The following DYSF variants were observed in gnomAD, a reference collection of about 807,000 sequenced individuals.
DYSF encodes the protein dystrophy-associated fer-1-like 1.
A neutral mutation model predicts 274.9 loss-of-function variants in DYSF; 212 were observed. The observed-to-expected ratio is 0.77, with a 90% CI of 0.69 to 0.86. DYSF has a LOEUF of 0.86. DYSF is among the 40% of genes least tolerant of loss of function. DYSF has a pLI of 0.00. For missense variants in DYSF, 2,666 were observed against 2,783.2 expected (o/e 0.96, Z 0.95); for synonymous variants, 1,091 against 1,078.7 (o/e 1.01, Z -0.22).
At chr2:71,682,707 G>A (rs2095310987) in intron 55 of DYSF, 30 bp downstream of exon 55, 2 of 1,605,474 alleles carry the variant, frequency 1.2e-6, no homozygotes, top group Non-Finnish European at 1.7e-6. Flanking sequence ...CTGTGGTGGG[G>A]GAACTCTGGG....
intron 3 of DYSF, among the ~76,000 whole-genome samples, chr2:71,494,836 A>T (rs1170068602): frequency 6.6e-6 from 1 of 152,232 alleles, no homozygotes; most frequent in Non-Finnish European, 1.5e-5. Context: ...ATTCATTAGA[A>T]AGTCCTTCCT....
At chr2:71,468,911 G>A (rs1013741543) in intron 1 of DYSF, among the ~76,000 whole-genome samples, 3 of 152,294 alleles carry the variant, frequency 2.0e-5, no homozygotes, top group East Asian at 1.9e-4. Flanking sequence ...GTGTTTGTGC[G>A]CTTTCTGGCC....
At chr2:71,641,029 C>T (rs72829451) in intron 41 of DYSF, among the ~76,000 whole-genome samples, 15,274 of 152,116 alleles carry the variant, frequency 0.1, 820 homozygotes, top group South Asian at 0.16. Context: ...TCATTCACTT[C>T]ATCTACATTT....
intron 1 of DYSF, among the ~76,000 whole-genome samples, chr2:71,468,910 C>T (rs75463085): frequency 0.18 from 26,741 of 152,184 alleles, 2,619 homozygotes; most frequent in East Asian, 0.45. Context: ...AGTGTTTGTG[C>T]GCTTTCTGGC....
chr2:71,606,605 G>A (rs2093652591), intron 36 of DYSF, among the ~76,000 whole-genome samples: 1 of 152,194 alleles, frequency 6.6e-6, no homozygotes, highest in African/African-American at 2.4e-5. Context: ...AGAGCTGGCA[G>A]AGACCTCAGG....
chr2:71,570,107 T>C (rs2092332916), intron 27 of DYSF, 122 bp from the exon 28 acceptor site: 2 of 1,099,032 alleles, frequency 1.8e-6, no homozygotes, highest in Non-Finnish European at 2.8e-6. Context: ...ACACTGACTC[T>C]GGGGCTCTGC....
chr2:71,570,676 C>T lies in DYSF; in HGVS notation c.3163C>T (p.His1055Tyr), dbSNP rs776491058. ...WVPAEKMYYT[H>Y]RRRRWVRLRR... is the part of the protein sequence containing the mutation. ...CCCTGCTGAGAAGATGTACTACACA[C>T]ACCGACGGCGGCGCTGGGTGCGCCT... The change falls in exon 29 of 56, where the codon CAC becomes TAC. Residue 1055 changes from histidine to tyrosine, a missense_variant. His to Tyr is a moderately conservative substitution (Grantham distance 83). This residue lies in a region of DYSF where 1,460 missense variants were observed against 1,502.1 expected (regional missense o/e 0.97). Transcript: ENST00000410020. 2.5e-6 allele frequency: 4 copies of T among 1,614,112 alleles called. No individual in the cohort carries two copies. Among genetic ancestry groups the T allele is most frequent in the Admixed American group, 1.7e-5 (1 of 60,014 alleles).
At chr2:71,562,211 A>C (rs2091822962) in intron 23 of DYSF, among the ~76,000 whole-genome samples, 1 of 152,216 alleles carries the variant, frequency 6.6e-6, no homozygotes, top group Non-Finnish European at 1.5e-5. Context: ...TGTTTGCCAA[A>C]GTATGTCAGA....
At chr2:71,574,486 C>T (rs935767229) in intron 30 of DYSF, 115 bp downstream of exon 30, 22 of 1,302,218 alleles carry the variant, frequency 1.7e-5, no homozygotes, top group Middle Eastern at 2.1e-4. Context: ...TTGGATGGAA[C>T]GCTGGCTGGT....
intron 1 of DYSF, among the ~76,000 whole-genome samples, chr2:71,476,558 G>A (rs1252014647): frequency 4.7e-5 from 7 of 147,412 alleles, no homozygotes; most frequent in African/African-American, 1.8e-4. Context: ...AAAAAAAAAA[G>A]GCCTTGGCAC....
At chr2:71,657,188 A>G (rs545351725) in intron 43 of DYSF, among the ~76,000 whole-genome samples, 2 of 152,340 alleles carry the variant, frequency 1.3e-5, no homozygotes, top group African/African-American at 2.4e-5. Flanking sequence ...TACAGGGCTC[A>G]TGCAAGTCTG....
At position 71,549,316 on chromosome 2, in the gene DYSF, AC is replaced by A. The variant is rs769423237; in HGVS notation, c.1577-1722del. ...ACCCGTCCTTCTCCCAGCCATGCCC[AC>A]CCTAACCCCTTTTCCATTTCTTTAC... On this transcript the variant is annotated intron_variant, in intron 17 of 55. Coordinates refer to ENST00000410020, the MANE Select transcript of DYSF (RefSeq NM_001130987.2). 3 of 1,608,326 alleles carry A rather than the reference AC, an allele frequency of 1.9e-6. No individual in the cohort carries two copies. In the African/African-American group the frequency reaches 4.0e-5, roughly 22 times the overall value.
At position 71,664,161 on chromosome 2, in the gene DYSF, G is replaced by A. The variant is rs543535878; in HGVS notation, c.5004-107G>A. On this transcript the variant is annotated intron_variant, in intron 45 of 55. Coordinates refer to ENST00000410020, the MANE Select transcript of DYSF (RefSeq NM_001130987.2). ...GTTGGGCCTGTAAGATCTGTAGGGG[G>A]CCCAAGGAAAGAAGACTCCCTGGGG... 389 of 1,406,872 alleles carry A rather than the reference G, an allele frequency of 2.8e-4. No individual in the cohort carries two copies. In the African/African-American group the frequency reaches 4.6e-3, roughly 16 times the overall value. The allele number at this position is 1,406,872 out of a possible 1,614,324, so 87.1% of individuals were successfully genotyped here.
At chr2:71,498,596 A>G (rs2084654943) in intron 3 of DYSF, among the ~76,000 whole-genome samples, 1 of 152,230 alleles carries the variant, frequency 6.6e-6, no homozygotes, top group South Asian at 2.1e-4. Flanking sequence ...ATGACTCCTG[A>G]GTCATAATTC....
chr2:71,686,442 C>G lies in DYSF; in HGVS notation c.6322-12C>G, dbSNP rs745552108. 6.2e-7 allele frequency: 1 copy of G among 1,614,030 alleles called. No homozygotes were observed. The highest frequency in any genetic ancestry group is 2.2e-5 in the East Asian group (1 of 44,874). The stretch of plus-strand genomic sequence containing the variant: ...GGATCACCATGGGTCCCTGTCTCCT[C>G]CCTCCCTCCAGAACTATGCTGCCAT... On this transcript the variant is annotated splice_polypyrimidine_tract_variant and intron_variant, in intron 55 of 55. Transcript: ENST00000410020.
chr2:71,618,573 TGGGGTAGAG>T (rs2093998169), intron 40 of DYSF, among the ~76,000 whole-genome samples: 1 of 91,680 alleles, frequency 1.1e-5, no homozygotes, highest in African/African-American at 3.5e-5. Context: ...TGTGTTTGTG[TGGGGTAGAG>T]TTGTGTGTGT....
At position 71,503,247 on chromosome 2, in the gene DYSF, G is replaced by C; in HGVS notation, c.273G>C (p.Glu91Asp). Residue 91 changes from glutamate (E) to aspartate (D), a missense_variant, in exon 4 of 56, where the codon GAG (glutamate) becomes GAC (aspartate). Glu to Asp is a conservative substitution (Grantham distance 45). Transcript: ENST00000410020. ...FLGEAKVPLREVLATPSLSAS... is the reference protein window; with the variant it reads ...FLGEAKVPLRDVLATPSLSAS... ...GGGAAGCCAAGGTCCCACTCCGAGA[G>C]GTCCTCGCCACCCCTAGTCTGTCCG... 6.2e-7 allele frequency: 1 copy of C among 1,614,090 alleles called. No homozygotes were observed. Among genetic ancestry groups the C allele is most frequent in the East Asian group, 2.2e-5 (1 of 44,870 alleles).
At chr2:71,675,217 A>C (rs1257423085) in intron 52 of DYSF, among the ~76,000 whole-genome samples, 1 of 152,136 alleles carries the variant, frequency 6.6e-6, no homozygotes, top group Non-Finnish European at 1.5e-5. Flanking sequence ...AGGTTCTGGA[A>C]TTAGATGGTG....
At chr2:71,545,347 T>A (rs191654534) in intron 17 of DYSF, among the ~76,000 whole-genome samples, 1 of 152,324 alleles carries the variant, frequency 6.6e-6, no homozygotes, top group Admixed American at 6.5e-5. Context: ...ATCTAGCTGC[T>A]CTCTGCCTTC....
Sources: gnomAD v4.1 joint callset for allele counts (sites outside exome capture counted in the v4.1 genomes callset) on GRCh38, gnomAD v4.1.1 for gene constraint, gnomAD v4.1.1 regional missense constraint, MANE v1.5 for transcripts, NCBI Gene and HGNC (gene_info 2026-07-23, HGNC 2026-07-21) for gene names.